The following GDAP1 variants were observed in gnomAD, a reference collection of about 807,000 sequenced individuals.
The protein encoded by GDAP1 is ganglioside-induced differentiation-associated protein 1.
A neutral mutation model predicts 40.1 loss-of-function variants in GDAP1; 34 were observed. The observed-to-expected ratio is 0.85, with a 90% CI of 0.64 to 1.13. The LOEUF (loss-of-function observed/expected upper bound fraction) is 1.13. Among genes scored for constraint, GDAP1 ranks in the 50% most tolerant of loss-of-function variants. GDAP1 has a pLI of 0.00. For missense variants in GDAP1, 374 were observed against 433.7 expected (o/e 0.86, Z 1.22); for synonymous variants, 170 against 157.4 (o/e 1.08, Z -0.60).
At chr8:74,374,555 T>A (rs1237769812) in intron 2 of GDAP1, among the ~76,000 whole-genome samples, 1 of 151,558 alleles carries the variant, frequency 6.6e-6, no homozygotes, top group African/African-American at 2.4e-5. Flanking sequence ...TTAACGAAAC[T>A]CAAAATTCAT....
At chr8:74,425,065 A>G (rs1335075331) in intron 2 of GDAP1, among the ~76,000 whole-genome samples, 1 of 152,212 alleles carries the variant, frequency 6.6e-6, no homozygotes, top group African/African-American at 2.4e-5. Flanking sequence ...CAGTATCTTC[A>G]TCAGCAGGTC....
At chr8:74,420,881 T>C (rs1805848526) in intron 2 of GDAP1, among the ~76,000 whole-genome samples, 1 of 152,084 alleles carries the variant, frequency 6.6e-6, no homozygotes, top group South Asian at 2.1e-4. Flanking sequence ...GGGGTACATG[T>C]GCCATGGTGG....
At chr8:74,422,350 TTCCCTTCC>T (rs796755619) in intron 2 of GDAP1, among the ~76,000 whole-genome samples, 3,074 of 47,548 alleles carry the variant, frequency 0.065, 136 homozygotes, top group East Asian at 0.13. Context: ...TCTTTCTTTC[TTCCCTTCC>T]TTCCTTCCTT....
Position 74,351,295 on chromosome 8 carries a change from A to T in GDAP1, c.139A>T (p.Lys47Ter). Reference protein sequence around the residue: ...SQKVRLVIAEKALKCEEHDVS... With the variant: ...SQKVRLVIAE ...CCAGGTGCGCTTGGTAATTGCTGAAAAGGCATTGAAGTGCGAGGAACATGA... is the reference window on the plus strand; with the variant it reads ...CCAGGTGCGCTTGGTAATTGCTGAATAGGCATTGAAGTGCGAGGAACATGA... The change falls in exon 2 of 6, where the codon AAG becomes TAG. Residue 47 changes from lysine (K) to a stop codon, truncating the protein, a stop_gained. Transcript: ENST00000220822. LOFTEE classifies it high-confidence loss of function. 6.2e-7 allele frequency: 1 copy of T among 1,614,140 alleles called. No individual in the cohort carries two copies. Among genetic ancestry groups the T allele is most frequent in the Non-Finnish European group, 8.5e-7 (1 of 1,179,950 alleles).
intron 2 of GDAP1, among the ~76,000 whole-genome samples, chr8:74,481,934 G>A (rs1036972314): frequency 6.6e-6 from 1 of 152,092 alleles, no homozygotes; most frequent in African/African-American, 2.4e-5. Context: ...AAACAATGGG[G>A]ATATAGACAT....
intron 2 of GDAP1, among the ~76,000 whole-genome samples, chr8:74,438,568 T>G (rs182720190): frequency 2.7e-4 from 41 of 152,346 alleles, no homozygotes; most frequent in Admixed American, 9.2e-4. Context: ...ATGTAAATTG[T>G]CTGCTTAAAT....
chr8:74,394,153 C>T (rs535753874), intron 2 of GDAP1, among the ~76,000 whole-genome samples: 55 of 152,272 alleles, frequency 3.6e-4, no homozygotes, highest in East Asian at 1.4e-3. Context: ...TCACGTCCTA[C>T]GTGGATGGCT....
chr8:74,401,140 C>G (rs374416039), intron 2 of GDAP1, among the ~76,000 whole-genome samples: 3 of 149,056 alleles, frequency 2.0e-5, no homozygotes, highest in Admixed American at 2.0e-4. Context: ...TAATATCCTG[C>G]AGAGTGTTTT....
At chr8:74,363,079 C>G (rs372147594) in intron 5 of GDAP1, 26 bp downstream of exon 5, 5 of 962,038 alleles carry the variant, frequency 5.2e-6, no homozygotes, top group Admixed American at 1.7e-5. Flanking sequence ...TATTCTTTCT[C>G]TCTTTTCAAC....
intron 2 of GDAP1, 46 bp downstream of exon 2, chr8:74,351,512 AAC>A: frequency 1.6e-6 from 2 of 1,277,378 alleles, no homozygotes; most frequent in Non-Finnish European, 2.3e-6. Context: ...CTTTCAACAC[AAC>A]TATGTGTTCC....
chr8:74,441,742 A>G (rs1267627309), intron 2 of GDAP1, among the ~76,000 whole-genome samples: 1 of 152,208 alleles, frequency 6.6e-6, no homozygotes, highest in East Asian at 1.9e-4. Flanking sequence ...AAGAATTGGC[A>G]TTAAATTATA....
intron 2 of GDAP1, among the ~76,000 whole-genome samples, chr8:74,354,529 T>C (rs1168298537): frequency 1.3e-5 from 2 of 152,186 alleles, no homozygotes; most frequent in Non-Finnish European, 2.9e-5. Context: ...AAATATTTCT[T>C]ATGGAAATAC....
At position 74,365,846 on chromosome 8, in the gene GDAP1, C is replaced by G. The variant is rs1479893468; in HGVS notation, c.*1479C>G. ...CAGTCAAACAATAATTGAGTAGCAG[C>G]TTTTATAACATTTAAAATTTGCACA... On this transcript the variant is annotated 3_prime_UTR_variant, in exon 6 of 6. Transcript: ENST00000220822. The G allele has an allele frequency of 2.2e-6, 1 of 453,092 alleles. No homozygotes were observed. The highest frequency in any genetic ancestry group is 4.4e-6 in the Non-Finnish European group (1 of 226,774). 28.1% of individuals were successfully genotyped at this position (453,092 alleles called of 1,614,324 possible).
intron 2 of GDAP1, among the ~76,000 whole-genome samples, chr8:74,424,366 A>C (rs542706217): frequency 2.6e-5 from 4 of 152,240 alleles, no homozygotes; most frequent in Admixed American, 2.6e-4. Context: ...ACCTCCGTGG[A>C]CACAAATCAC....
intron 2 of GDAP1, among the ~76,000 whole-genome samples, chr8:74,456,102 C>CTA (rs1806333288): frequency 6.6e-6 from 1 of 151,898 alleles, no homozygotes; most frequent in Non-Finnish European, 1.5e-5. Flanking sequence ...TAGTATTTAA[C>CTA]TATACCTCAG....
chr8:74,413,247 A>G (rs1805737863), intron 2 of GDAP1, among the ~76,000 whole-genome samples: 1 of 149,708 alleles, frequency 6.7e-6, no homozygotes, highest in Non-Finnish European at 1.5e-5. Flanking sequence ...GACAGAATGC[A>G]CAGAGCAGCT....
chr8:74,443,796 C>T (rs1806193230), intron 2 of GDAP1, among the ~76,000 whole-genome samples: 1 of 152,096 alleles, frequency 6.6e-6, no homozygotes, highest in Admixed American at 6.5e-5. Flanking sequence ...GATCCTCATT[C>T]CTCACCATTC....
intron 2 of GDAP1, among the ~76,000 whole-genome samples, chr8:74,444,481 A>G (rs912438375): frequency 3.9e-5 from 6 of 152,208 alleles, no homozygotes; most frequent in African/African-American, 1.4e-4. Context: ...TAGTGAACCA[A>G]TACCAACAGC....
At chr8:74,351,710 TAAA>T (rs1425096118) in intron 2 of GDAP1, among the ~76,000 whole-genome samples, 1 of 109,674 alleles carries the variant, frequency 9.1e-6, no homozygotes, top group Non-Finnish European at 2.2e-5. Flanking sequence ...TGTTGAAACT[TAAA>T]AAAATTCACT....
Sources: allele counts gnomAD v4.1 joint callset (sites outside exome capture counted in the v4.1 genomes callset), GRCh38; gene constraint gnomAD v4.1.1; transcripts MANE v1.5; gene names NCBI Gene and HGNC (gene_info 2026-07-23, HGNC 2026-07-21).